PKMYT1: variants seen among roughly 807,000 people sequenced by gnomAD.
PKMYT1 encodes protein kinase, membrane associated tyrosine/threonine 1, also known as membrane-associated tyrosine- and threonine-specific cdc2-inhibitory kinase.
In PKMYT1, 35 loss-of-function variants were observed where a neutral mutation model predicts 49.7. The ratio of observed to expected loss-of-function variants is 0.70; its 90% CI spans 0.54 to 0.93. The LOEUF is 0.93. Ranked by LOEUF, PKMYT1 falls within the 40% of genes least tolerant of loss-of-function variation. The pLI is 0.00. For missense variants in PKMYT1, 677 were observed against 673.1 expected, an observed-to-expected ratio of 1.01 and a Z score of -0.06; for synonymous variants, 331 against 287.6, an observed-to-expected ratio of 1.15 and a Z score of -1.53.
At chr16:2,973,961 C>A in intron 7 of PKMYT1, 39 bp downstream of exon 7, 1 of 1,599,736 alleles carries the variant, frequency 6.3e-7, no homozygotes, top group Non-Finnish European at 8.5e-7. Context: ...ATATCCCCCA[C>A]CTTCCCCCTA....
chr16:2,974,103 AGCTGGCAG>A lies in PKMYT1; in HGVS notation c.1199_1206del (p.Pro400LeufsTer31). The A allele has an allele frequency of 1.9e-6, 3 of 1,607,976 alleles. No homozygotes were observed. The highest frequency in any genetic ancestry group is 2.5e-6 in the Non-Finnish European group (3 of 1,177,610). ...GCTGGCGGGCCCAGGGGCTGTAGCC[AGCTGGCAG>A]GGTGAGCCAGCCCATGCCAGAGCCA... On this transcript the variant is annotated frameshift_variant, in exon 7 of 9. Coordinates refer to ENST00000262300, the MANE Select transcript of PKMYT1 (RefSeq NM_004203.5). LOFTEE classifies it high-confidence loss of function.
At chr16:2,978,259 G>A (rs1402193276) in intron 2 of PKMYT1, among the ~76,000 whole-genome samples, 1 of 152,216 alleles carries the variant, frequency 6.6e-6, no homozygotes, top group Admixed American at 6.5e-5. Flanking sequence ...GTTTAAAGGG[G>A]CTGTCAAAAT....
At chr16:2,973,723 G>A (rs2072084704) in intron 7 of PKMYT1, 2 of 543,490 alleles carry the variant, frequency 3.7e-6, no homozygotes, top group Admixed American at 3.3e-5. Flanking sequence ...TTTATCCCTG[G>A]GCACTGGCAG....
At chr16:2,977,162 T>C in intron 2 of PKMYT1, 131 bp from the exon 3 acceptor site, 1 of 1,492,720 alleles carries the variant, frequency 6.7e-7, no homozygotes. Flanking sequence ...TAAACGGCAA[T>C]GGGAGCAATA....
chr16:2,978,288 T>A (rs530741036), intron 2 of PKMYT1, among the ~76,000 whole-genome samples: 118 of 152,248 alleles, frequency 7.8e-4, no homozygotes, highest in African/African-American at 2.6e-3. Context: ...GTTTTGGTGG[T>A]GCGCCATTAA....
At position 2,972,943 on chromosome 16, in the gene PKMYT1, A is replaced by G. The variant is rs2072038799; in HGVS notation, c.*10T>C. 2 of 1,596,280 alleles carry G rather than the reference A, an allele frequency of 1.3e-6. No homozygotes were observed. Among genetic ancestry groups the G allele is most frequent in the South Asian group, 2.3e-5 (2 of 88,172 alleles). ...TAAAAGGTTAAAAGTGCAGAGGCAGAGTCTGGGGCTCAGGTTGGGTCTAGG... is the reference window on the plus strand; with the variant it reads ...TAAAAGGTTAAAAGTGCAGAGGCAGGGTCTGGGGCTCAGGTTGGGTCTAGG... On this transcript the variant is annotated 3_prime_UTR_variant, in exon 9 of 9. Transcript: ENST00000262300.
chr16:2,973,015 A>G lies in PKMYT1; in HGVS notation c.1438T>C (p.Phe480Leu). ...AGGTTCCGAGGCTCAAAGGAGGGGA[A>G]GGAGCCCCGAGGAGGCTCTGAGTTG... is the stretch of plus-strand genomic sequence containing the variant. ...DINSEPPRGS[F>L]PSFEPRNLLS... The change falls in exon 9 of 9, where the codon TTC (phenylalanine) becomes CTC (leucine). Residue 480 changes from phenylalanine (F) to leucine (L), a missense_variant. Physicochemically the swap from Phe to Leu is conservative, Grantham distance 22. Coordinates refer to ENST00000262300, the MANE Select transcript of PKMYT1 (RefSeq NM_004203.5). 1.2e-6 allele frequency: 2 copies of G among 1,610,080 alleles called. No individual in the cohort carries two copies. Among genetic ancestry groups the G allele is most frequent in the Non-Finnish European group, 1.7e-6 (2 of 1,179,058 alleles).
At position 2,976,713 on chromosome 16, in the gene PKMYT1, A is replaced by G; in HGVS notation, c.329T>C (p.Phe110Ser). ...SRPESFFQQS[F>S]QRLSRLGHGS... ...ATGGCCCAGGCGGCTGAGCCTCTGGAAGCTCTGCTGGAAGAAGGACTCTGG... is the reference window on the plus strand; with the variant it reads ...ATGGCCCAGGCGGCTGAGCCTCTGGGAGCTCTGCTGGAAGAAGGACTCTGG... The change falls in exon 3 of 9, where the codon TTC becomes TCC. Residue 110 changes from phenylalanine (F) to serine (S), a missense_variant. By Grantham distance (155) the Phe-to-Ser change is radical. Transcript: ENST00000262300. 1 of 1,491,642 alleles carries G rather than the reference A, an allele frequency of 6.7e-7. No individual in the cohort carries two copies. The highest frequency in any genetic ancestry group is 1.4e-5 in the South Asian group (1 of 70,730). The allele number at this position is 1,491,642 out of a possible 1,614,324, so 92.4% of individuals were successfully genotyped here. A position where few individuals can be genotyped will look rare whatever the true frequency, so the allele number is the denominator to read the frequency against.
At chr16:2,973,242 G>A in intron 7 of PKMYT1, 27 bp from the exon 8 acceptor site, 1 of 1,482,206 alleles carries the variant, frequency 6.7e-7, no homozygotes, top group South Asian at 1.4e-5. Flanking sequence ...GAGACAAGGA[G>A]GGTGTCCAGG....
chr16:2,973,901 G>A, intron 7 of PKMYT1, 99 bp downstream of exon 7: 1 of 1,328,058 alleles, frequency 7.5e-7, no homozygotes, highest in Non-Finnish European at 1.0e-6. Flanking sequence ...TGGGGGCCAG[G>A]TTTGTGGGAG....
chr16:2,973,881 C>T lies in PKMYT1; in HGVS notation c.1310+119G>A, dbSNP rs543109273. 1.7e-5 allele frequency: 20 copies of T among 1,150,478 alleles called. No homozygotes were observed. The Admixed American group carries it at 4.5e-4, about 26-fold the overall frequency. 71.3% of individuals were successfully genotyped at this position (1,150,478 alleles called of 1,614,324 possible). A position where few individuals can be genotyped will look rare whatever the true frequency, so the allele number is the denominator to read the frequency against. ...CACCCCCAGTCTTGGTCCCCTTCCC[C>T]AGGATGTGATGGGGGCCAGGTTTGT... On this transcript the variant is annotated intron_variant, in intron 7 of 8. Transcript: ENST00000262300.
intron 4 of PKMYT1, 92 bp from the exon 5 acceptor site, chr16:2,974,748 G>T: frequency 1.3e-6 from 1 of 792,698 alleles, no homozygotes; most frequent in Admixed American, 2.2e-5. Context: ...GGGTGGGAGA[G>T]GGCTGCTGTC....
chr16:2,978,773 T>G (rs1233970409), intron 2 of PKMYT1, among the ~76,000 whole-genome samples: 1 of 146,832 alleles, frequency 6.8e-6, no homozygotes, highest in Admixed American at 6.9e-5. Context: ...TTTAATTGGA[T>G]TGGACCGTGG....
At chr16:2,974,730 T>C in intron 4 of PKMYT1, 74 bp from the exon 5 acceptor site, 1 of 990,320 alleles carries the variant, frequency 1.0e-6, no homozygotes, top group Non-Finnish European at 1.5e-6. Flanking sequence ...GGGCTGCCTC[T>C]TGGAGGTGGG....
At chr16:2,980,082 G>A (rs1331557170) in intron 1 of PKMYT1, 170 bp from the exon 2 acceptor site, 1 of 220,442 alleles carries the variant, frequency 4.5e-6, no homozygotes, top group African/African-American at 2.3e-5. Flanking sequence ...CGAGTAGGGC[G>A]GGACCGCCGC....
chr16:2,973,302 C>T (rs775039305), intron 7 of PKMYT1, 87 bp from the exon 8 acceptor site: 1 of 1,510,746 alleles, frequency 6.6e-7, no homozygotes, highest in African/African-American at 1.4e-5. Flanking sequence ...AGGCTCCAGG[C>T]TCCCGCCTGA....
At chr16:2,973,398 ATCTGGC>A (rs2151068139) in intron 7 of PKMYT1, 183 bp from the exon 8 acceptor site, 1 of 1,536,548 alleles carries the variant, frequency 6.5e-7, no homozygotes, top group African/African-American at 1.4e-5. Flanking sequence ...AAGTCCTTCC[ATCTGGC>A]TGCACTCCAA....
At chr16:2,974,801 C>G in intron 4 of PKMYT1, 145 bp from the exon 5 acceptor site, 2 of 615,146 alleles carry the variant, frequency 3.3e-6, no homozygotes, top group East Asian at 2.8e-5. Context: ...AAGGGACACC[C>G]CAACAGGCCT....
intron 1 of PKMYT1, 146 bp downstream of exon 1, chr16:2,980,140 G>C (rs889926334): frequency 3.3e-5 from 6 of 180,402 alleles, no homozygotes; most frequent in Non-Finnish European, 7.1e-5. Flanking sequence ...GAGGACGGGA[G>C]GCAGGGGCTC....
Sources: allele counts gnomAD v4.1 joint callset (sites outside exome capture counted in the v4.1 genomes callset), GRCh38; gene constraint gnomAD v4.1.1; transcripts MANE v1.5; gene names NCBI Gene and HGNC (gene_info 2026-07-23, HGNC 2026-07-21).